The following ZNF670 variants were observed in gnomAD, a reference collection of about 807,000 sequenced individuals.
ZNF670 encodes the protein zinc finger protein 670.
In ZNF670, 7 loss-of-function variants were observed where a neutral mutation model predicts 10.9. The ratio of observed to expected loss-of-function variants is 0.64; its 90% CI spans 0.36 to 1.20. The LOEUF is 1.20. Ranked by LOEUF, ZNF670 falls within the 50% of genes most tolerant of loss-of-function variation. The pLI is 0.02. For synonymous variants in ZNF670, 136 were observed against 152.7 expected (o/e 0.89, Z 0.81); for missense variants, 446 against 458.6 (o/e 0.97, Z 0.25).
At chr1:247,074,567 C>A (rs1671209561) in intron 1 of ZNF670, among the ~76,000 whole-genome samples, 1 of 152,116 alleles carries the variant, frequency 6.6e-6, no homozygotes, top group South Asian at 2.1e-4. Flanking sequence ...CAGTTCCCCA[C>A]CTTTTTGGCA....
chr1:247,061,696 T>C (rs959398330), intron 1 of ZNF670, among the ~76,000 whole-genome samples: 2 of 152,214 alleles, frequency 1.3e-5, no homozygotes, highest in African/African-American at 4.8e-5. Context: ...CAGGTTTGCT[T>C]TGTTAGTGAA....
At chr1:247,061,667 C>T (rs114965685) in intron 1 of ZNF670, among the ~76,000 whole-genome samples, 2,952 of 152,284 alleles carry the variant, frequency 0.019, 36 homozygotes, top group Middle Eastern at 0.085. Flanking sequence ...AGCATTTTAA[C>T]TTCCATGAAA....
At chr1:247,039,689 T>G (rs1670260028) in intron 1 of ZNF670, 152 bp from the exon 2 acceptor site, 2 of 821,424 alleles carry the variant, frequency 2.4e-6, no homozygotes, top group South Asian at 6.7e-5. Flanking sequence ...TGTCTGCACT[T>G]ACTGCTGCCC....
rs1670452272 is a variant in ZNF670 at position 247,046,506 on chromosome 1, T to C, written c.4-6969A>G. Among the ~76,000 whole-genome samples, 5 of 152,180 alleles carry C rather than the reference T, an allele frequency of 3.3e-5. No homozygotes were observed. The South Asian group carries it at 1.0e-3, about 31-fold the overall frequency. On this transcript the variant is annotated intron_variant, in intron 1 of 3. Coordinates refer to ENST00000366503, the MANE Select transcript of ZNF670 (RefSeq NM_033213.5). The stretch of plus-strand genomic sequence containing the variant: ...AGCCATAAGCCTTGGAGGCTTCCGC[T>C]TAGTGTTAAGCCTGCAGGTGCATAG...
chr1:247,046,410 C>T (rs946640764), intron 1 of ZNF670, among the ~76,000 whole-genome samples: 1 of 152,216 alleles, frequency 6.6e-6, no homozygotes, highest in African/African-American at 2.4e-5. Context: ...CCTTGCATTC[C>T]AGTAGCTCTG....
At chr1:247,053,528 C>T (rs1216455388) in intron 1 of ZNF670, among the ~76,000 whole-genome samples, 2 of 152,018 alleles carry the variant, frequency 1.3e-5, no homozygotes, top group African/African-American at 2.4e-5. Context: ...CCCAGCTACT[C>T]AGGACGCTGA....
Position 247,078,752 on chromosome 1 carries a change from A to G in ZNF670, c.-156T>C, listed in dbSNP as rs937289217. On this transcript the variant is annotated 5_prime_UTR_variant, in exon 1 of 4. Transcript: ENST00000366503. ...GAGCTCGCCACATTCGCGCTGCCCA[A>G]CACAAAAGCCGCGCCAGGTCCCGGA... 5 of 771,134 alleles carry G rather than the reference A, an allele frequency of 6.5e-6. No homozygotes were observed. In the Admixed American group the frequency reaches 8.8e-5, roughly 14 times the overall value. 47.8% of individuals were successfully genotyped at this position (771,134 alleles called of 1,614,324 possible).
chr1:247,059,027 T>G (rs1670789641), intron 1 of ZNF670, among the ~76,000 whole-genome samples: 1 of 152,138 alleles, frequency 6.6e-6, no homozygotes. Flanking sequence ...TAATTCATGC[T>G]ATGCAGACAA....
At chr1:247,072,545 G>A (rs1016952879) in intron 1 of ZNF670, among the ~76,000 whole-genome samples, 12 of 151,654 alleles carry the variant, frequency 7.9e-5, no homozygotes, top group Middle Eastern at 3.4e-3. Context: ...AGCACTTTGG[G>A]AGGCCAAGGC....
intron 1 of ZNF670, 48 bp downstream of exon 1, chr1:247,078,546 T>A: frequency 2.5e-6 from 4 of 1,612,758 alleles, no homozygotes; most frequent in Non-Finnish European, 3.4e-6. Context: ...AACCGCTTCC[T>A]GGCGGTTCCC....
intron 1 of ZNF670, among the ~76,000 whole-genome samples, chr1:247,076,484 CT>C (rs969088025): frequency 2.0e-4 from 30 of 152,142 alleles, no homozygotes; most frequent in African/African-American, 7.0e-4. Flanking sequence ...TCTCGATCTC[CT>C]GACCTCGTGA....
intron 1 of ZNF670, among the ~76,000 whole-genome samples, chr1:247,072,850 A>G (rs1412474830): frequency 7.5e-6 from 1 of 132,500 alleles, no homozygotes; most frequent in Non-Finnish European, 1.6e-5. Context: ...GCATACACAC[A>G]CATACACACA....
At chr1:247,070,013 C>T (rs1336337056) in intron 1 of ZNF670, among the ~76,000 whole-genome samples, 1 of 152,076 alleles carries the variant, frequency 6.6e-6, no homozygotes, top group Non-Finnish European at 1.5e-5. Flanking sequence ...ATTTGTAATA[C>T]AAAGGGTAAA....
At chr1:247,039,336 C>A in intron 2 of ZNF670, 75 bp downstream of exon 2, 3 of 1,542,216 alleles carry the variant, frequency 1.9e-6, no homozygotes, top group Non-Finnish European at 8.7e-7. Flanking sequence ...GCTGGGATTA[C>A]AGGTGTGAGC....
intron 1 of ZNF670, among the ~76,000 whole-genome samples, chr1:247,059,486 CAAAAAT>C (rs1670804795): frequency 6.6e-6 from 1 of 151,448 alleles, no homozygotes; most frequent in Non-Finnish European, 1.5e-5. Context: ...AATAAATAAA[CAAAAAT>C]AAAAAATAAA....
intron 1 of ZNF670, among the ~76,000 whole-genome samples, chr1:247,055,421 T>C (rs1670692320): frequency 6.6e-6 from 1 of 152,194 alleles, no homozygotes; most frequent in Non-Finnish European, 1.5e-5. Flanking sequence ...AGCACCTTCC[T>C]TCCCTTCCTG....
chr1:247,046,284 T>C (rs1351318977), intron 1 of ZNF670, among the ~76,000 whole-genome samples: 1 of 152,160 alleles, frequency 6.6e-6, no homozygotes, highest in Middle Eastern at 3.2e-3. Flanking sequence ...AGACCTGTAA[T>C]GCATTTCAGA....
chr1:247,077,973 A>G (rs986483437), intron 1 of ZNF670, among the ~76,000 whole-genome samples: 2 of 152,204 alleles, frequency 1.3e-5, no homozygotes, highest in African/African-American at 4.8e-5. Context: ...AAAGGGAAAC[A>G]AAACAGCCTT....
At chr1:247,038,506 T>C (rs1032691578) in intron 3 of ZNF670, 79 bp from the exon 4 acceptor site, 2 of 1,400,218 alleles carry the variant, frequency 1.4e-6, no homozygotes, top group Admixed American at 4.6e-5. Flanking sequence ...AAATGCAAGT[T>C]TCCTGCCATA....
Sources: allele counts gnomAD v4.1 joint callset (sites outside exome capture counted in the v4.1 genomes callset), GRCh38; gene constraint gnomAD v4.1.1; transcripts MANE v1.5; gene names NCBI Gene and HGNC (gene_info 2026-07-23, HGNC 2026-07-21).